WWP2: variants seen among roughly 807,000 people sequenced by gnomAD.
WWP2 encodes NEDD4-like E3 ubiquitin-protein ligase WWP2.
In WWP2, 57 loss-of-function variants were observed where a neutral mutation model predicts 121.0. The ratio of observed to expected loss-of-function variants is 0.47; its 90% CI spans 0.38 to 0.59. The LOEUF is 0.59. WWP2 is among the 20% of genes least tolerant of loss of function. The pLI is 0.00. For missense variants in WWP2, 962 were observed against 1,158.9 expected (o/e 0.83, Z 2.47); for synonymous variants, 449 against 441.3 (o/e 1.02, Z -0.22).
chr16:69,826,752 C>T (rs62051387), intron 4 of WWP2, among the ~76,000 whole-genome samples: 56,458 of 148,174 alleles, frequency 0.38, 11,050 homozygotes, highest in Admixed American at 0.49. Flanking sequence ...TAGCCTAACA[C>T]GGTGAAACCC....
rs1184705274 is a variant in WWP2, at chr16:69,931,866, G to A, written c.1658G>A (p.Gly553Asp). Residue 553 changes from glycine (G) to aspartate (D), a missense_variant, in exon 16 of 24, where the codon GGC (glycine) becomes GAC (aspartate). By Grantham distance (94) the Gly-to-Asp change is moderately conservative. Coordinates refer to ENST00000359154, the MANE Select transcript of WWP2 (RefSeq NM_001270454.2). ...TACATCATCATGCGTGGCGAGGAGG[G>A]CCTGGACTATGGGGGCATCGCCAGG... ...RLYIIMRGEEGLDYGGIAREW... is the reference protein window; with the variant it reads ...RLYIIMRGEEDLDYGGIAREW... The A allele has an allele frequency of 1.2e-6, 2 of 1,613,536 alleles. No individual in the cohort carries two copies. Among genetic ancestry groups the A allele is most frequent in the Non-Finnish European group, 1.7e-6 (2 of 1,180,022 alleles).
At chr16:69,902,624 C>A (rs904759574) in intron 8 of WWP2, among the ~76,000 whole-genome samples, 6 of 152,130 alleles carry the variant, frequency 3.9e-5, no homozygotes, top group African/African-American at 1.4e-4. Context: ...AGTGTTGAGA[C>A]CCGTGGGTAG....
In WWP2 at chr16:69,935,753, G is replaced by A. The variant is rs1567445545; in HGVS notation, c.1843-100G>A. ...GCTGTAGTTCTGTCAGGGAAGGAAG[G>A]CGGGTAGCGGTAGCAGAGTTTGATA... On this transcript the variant is annotated intron_variant, in intron 17 of 23. Coordinates refer to ENST00000359154, the MANE Select transcript of WWP2 (RefSeq NM_001270454.2). The surrounding 1 kb of genome is among the most constrained non-coding windows in gnomAD (Gnocchi z 5.2). 5 of 1,502,830 alleles carry A rather than the reference G, an allele frequency of 3.3e-6. No homozygotes were observed. The highest frequency in any genetic ancestry group is 4.5e-6 in the Non-Finnish European group (5 of 1,121,316). 93.1% of individuals were successfully genotyped at this position (1,502,830 alleles called of 1,614,324 possible). A position where few individuals can be genotyped will look rare whatever the true frequency, so the allele number is the denominator to read the frequency against.
intron 4 of WWP2, among the ~76,000 whole-genome samples, chr16:69,834,440 A>G (rs2088747): frequency 0.85 from 129,835 of 152,094 alleles, 55,664 homozygotes; most frequent in Admixed American, 0.91. Flanking sequence ...TCCCAGCTTA[A>G]CATTCTTCAT....
At chr16:69,848,319 G>T (rs963385582) in intron 6 of WWP2, among the ~76,000 whole-genome samples, 1 of 151,988 alleles carries the variant, frequency 6.6e-6, no homozygotes, top group Non-Finnish European at 1.5e-5. Flanking sequence ...GCGTGGTGGC[G>T]CATGCCTGTA....
At chr16:69,921,389 T>G (rs570999906) in intron 10 of WWP2, among the ~76,000 whole-genome samples, 5 of 152,220 alleles carry the variant, frequency 3.3e-5, no homozygotes, top group Admixed American at 1.3e-4. Flanking sequence ...CTTGCTGGGC[T>G]TCAACTGAGA....
intron 7 of WWP2, among the ~76,000 whole-genome samples, chr16:69,886,278 G>A (rs561432270): frequency 2.0e-5 from 3 of 152,218 alleles, no homozygotes; most frequent in South Asian, 2.1e-4. Flanking sequence ...ATGAGTCCTC[G>A]CTAGGTTGCC....
chr16:69,934,547 G>A (rs1285081810), intron 17 of WWP2, among the ~76,000 whole-genome samples: 4 of 151,984 alleles, frequency 2.6e-5, no homozygotes, highest in Non-Finnish European at 5.9e-5. Context: ...AGGGCCTTGG[G>A]ATGACAGGGC....
At chr16:69,834,067 T>G (rs1361464490) in intron 4 of WWP2, among the ~76,000 whole-genome samples, 5 of 152,258 alleles carry the variant, frequency 3.3e-5, no homozygotes, top group Non-Finnish European at 5.9e-5. Flanking sequence ...GCCCTTCTCC[T>G]GTAGCCAGAC....
At chr16:69,899,346 GCAA>G (rs976920090) in intron 8 of WWP2, among the ~76,000 whole-genome samples, 15 of 152,012 alleles carry the variant, frequency 9.9e-5, no homozygotes, top group African/African-American at 3.4e-4. Flanking sequence ...ACCCATCTCA[GCAA>G]CAACAACAAC....
intron 10 of WWP2, among the ~76,000 whole-genome samples, chr16:69,922,402 G>T (rs1439335301): frequency 1.3e-5 from 2 of 152,240 alleles, no homozygotes. Flanking sequence ...CAAGGGACTT[G>T]AACTCTCATG....
At chr16:69,874,507 G>A (rs1378890647) in intron 7 of WWP2, among the ~76,000 whole-genome samples, 1 of 152,208 alleles carries the variant, frequency 6.6e-6, no homozygotes, top group East Asian at 1.9e-4. Context: ...CCAAACCGGA[G>A]CTGGGTTCCA....
At chr16:69,776,295 G>A (rs1306926115) in intron 1 of WWP2, 1 of 152,102 alleles carries the variant, frequency 6.6e-6, no homozygotes, top group East Asian at 1.9e-4. Flanking sequence ...CCATTGCTCT[G>A]GGCCTATTTC....
chr16:69,813,670 G>A (rs970190414), intron 4 of WWP2, among the ~76,000 whole-genome samples: 1 of 152,048 alleles, frequency 6.6e-6, no homozygotes, highest in Admixed American at 6.6e-5. Flanking sequence ...GTTTCACCAT[G>A]TTGCCCAAGG....
chr16:69,876,300 G>A lies in WWP2; in HGVS notation c.703+4369G>A, dbSNP rs190740234. On this transcript the variant is annotated intron_variant, in intron 7 of 23. Transcript: ENST00000359154. ...ATCCATCAGAGGAATCATGATCTAA[G>A]GCAGTTATAGCCTTATAAAATGTAT... Among the ~76,000 whole-genome samples the A allele has an allele frequency of 2.2e-3, 334 of 151,740 alleles. 2 individuals are homozygous for A. Among genetic ancestry groups the A allele is most frequent in the South Asian group, 5.6e-3 (27 of 4,794 alleles).
chr16:69,881,447 G>C (rs77255242), intron 7 of WWP2, among the ~76,000 whole-genome samples: 1 of 152,172 alleles, frequency 6.6e-6, no homozygotes, highest in Non-Finnish European at 1.5e-5. Flanking sequence ...GCAGGATCCT[G>C]GGTTGGATCT....
At chr16:69,825,424 CAA>C (rs34284992) in intron 4 of WWP2, among the ~76,000 whole-genome samples, 1 of 131,758 alleles carries the variant, frequency 7.6e-6, no homozygotes. Flanking sequence ...ATTCCATCTC[CAA>C]AAAAAAAAAA....
At chr16:69,790,334 T>A (rs963872314) in intron 2 of WWP2, among the ~76,000 whole-genome samples, 1 of 152,130 alleles carries the variant, frequency 6.6e-6, no homozygotes, top group Non-Finnish European at 1.5e-5. Flanking sequence ...TACAATAAAA[T>A]AAGCTAGAGA....
At chr16:69,823,198 T>A (rs2056624993) in intron 4 of WWP2, among the ~76,000 whole-genome samples, 1 of 152,204 alleles carries the variant, frequency 6.6e-6, no homozygotes, top group Admixed American at 6.5e-5. Flanking sequence ...TATTTCCACA[T>A]ATCTGAAATG....
Sources: gnomAD v4.1 joint callset for allele counts (sites outside exome capture counted in the v4.1 genomes callset) on GRCh38, gnomAD v4.1.1 for gene constraint, Gnocchi (gnomAD v3.1) non-coding constraint, MANE v1.5 for transcripts, NCBI Gene and HGNC (gene_info 2026-07-23, HGNC 2026-07-21) for gene names.